Variants in TSPYL2 observed in about 807,000 individuals in gnomAD.
The protein encoded by TSPYL2 is TSPY like 2, also known as testis-specific Y-encoded-like protein 2.
A neutral mutation model predicts 33.0 loss-of-function variants in TSPYL2; 9 were observed. The ratio of observed to expected loss-of-function variants is 0.27; its 90% confidence interval spans 0.16 to 0.48. The LOEUF (loss-of-function observed/expected upper bound fraction) is 0.48. TSPYL2 is among the 20% of genes least tolerant of loss of function. TSPYL2 has a pLI of 0.99. For synonymous variants in TSPYL2, 330 were observed against 233.6 expected (o/e 1.41, Z -3.77); for missense variants, 636 against 586.2 (o/e 1.08, Z -0.88).
chrX:53,084,170 A>G (rs1262587309), intron 1 of TSPYL2, among the ~76,000 whole-genome samples: 3 of 112,011 alleles, frequency 2.7e-5, no homozygotes, highest in African/African-American at 9.7e-5. Flanking sequence ...AGCCATTCAC[A>G]CATCATGTGG....
chrX:53,084,646 A>C, intron 2 of TSPYL2, 24 bp downstream of exon 2: 3 of 1,200,335 alleles, frequency 2.5e-6, no homozygotes, highest in Non-Finnish European at 3.4e-6. Context: ...GACATTTTTT[A>C]GTAGGATCGG....
chrX:53,087,482 C>T (rs1274688098), intron 6 of TSPYL2: 2 of 277,729 alleles, frequency 7.2e-6, no homozygotes, highest in East Asian at 1.2e-4. Context: ...GGAAGAGACA[C>T]ACATTGAGGA....
At chrX:53,087,092 GAGAAGTACTC>G (rs1932778819) in intron 6 of TSPYL2, 1 of 113,320 alleles carries the variant, frequency 8.8e-6, no homozygotes, top group Admixed American at 9.2e-5. Flanking sequence ...TAAAGGTGCT[GAGAAGTACTC>G]AGATGGGAGG....
chrX:53,086,377 C>T (rs1556808742), intron 6 of TSPYL2, 67 bp downstream of exon 6: 1 of 1,072,259 alleles, frequency 9.3e-7, no homozygotes, highest in Non-Finnish European at 1.3e-6. Context: ...TGGCCAAGGA[C>T]AGGGTATCAA....
chrX:53,087,705 T>G, intron 6 of TSPYL2, 71 bp from the exon 7 acceptor site: 1 of 1,102,017 alleles, frequency 9.1e-7, no homozygotes, highest in Non-Finnish European at 1.2e-6. Context: ...CTGTTCCCTT[T>G]TAGAGTGACA....
rs782290381 is a variant in TSPYL2, at chrX:53,084,741, C to T, written c.886-14C>T. The stretch of plus-strand genomic sequence containing the variant: ...GGGGGGGACAGATTCCACCATCACC[C>T]CCACCTGGAGCAGGTACAGGATCTC... On this transcript the variant is annotated splice_polypyrimidine_tract_variant and intron_variant, in intron 2 of 6. Coordinates refer to ENST00000375442, the MANE Select transcript of TSPYL2 (RefSeq NM_022117.4). 8.3e-7 allele frequency: 1 copy of T among 1,199,618 alleles called. No individual in the cohort carries two copies. Among genetic ancestry groups the T allele is most frequent in the Admixed American group, 2.2e-5 (1 of 45,836 alleles).
rs868980048 is a variant in TSPYL2, at chrX:53,087,907, G to A, written c.2050G>A (p.Ala684Thr). 2 of 1,210,136 alleles carry A rather than the reference G, an allele frequency of 1.7e-6. No homozygotes were observed. Among genetic ancestry groups the A allele is most frequent in the African/African-American group, 3.5e-5 (2 of 57,281 alleles). Reference sequence around the variant, plus strand: ...TGTGCTTCAGGTCCCAAACGGTTGGGCCAATCCGGGGAAGAGGGGGAAAAC... The same window carrying A: ...TGTGCTTCAGGTCCCAAACGGTTGGACCAATCCGGGGAAGAGGGGGAAAAC... ...EDVLQVPNGW[A>T]NPGKRGKTG The change falls in exon 7 of 7, where the codon GCC (alanine) becomes ACC (threonine). Residue 684 changes from alanine to threonine, a missense_variant. By Grantham distance (58) the Ala-to-Thr change is moderately conservative. Transcript: ENST00000375442.
chrX:53,085,197 T>C, intron 4 of TSPYL2, 30 bp from the exon 5 acceptor site: 1 of 1,186,809 alleles, frequency 8.4e-7, no homozygotes, highest in Non-Finnish European at 1.1e-6. Flanking sequence ...TACTAATGGC[T>C]GTCTTATTCC....
rs782105353 is a variant in TSPYL2, at chrX:53,082,913, A to T, written c.415A>T (p.Ser139Cys). ...EIDFQVVQSS[S>C]FGGEGALETC... is the part of the protein sequence containing the mutation. ...CGATTTTCAGGTTGTACAGTCGAGC[A>T]GTTTTGGTGGAGAGGGGGCCCTAGA... The change falls in exon 1 of 7, where the codon AGT becomes TGT. Residue 139 changes from serine (S) to cysteine (C), a missense_variant. Ser to Cys is a moderately radical substitution (Grantham distance 112). Coordinates refer to ENST00000375442, the MANE Select transcript of TSPYL2 (RefSeq NM_022117.4). 4.1e-6 allele frequency: 5 copies of T among 1,208,330 alleles called. No individual in the cohort carries two copies. In the East Asian group the frequency reaches 1.2e-4, roughly 29 times the overall value.
chrX:53,083,386 G>GC, intron 1 of TSPYL2, 81 bp downstream of exon 1: 1 of 962,824 alleles, frequency 1.0e-6, no homozygotes, highest in South Asian at 2.1e-5. Flanking sequence ...AAAAGGTAAA[G>GC]CGGGTGGAGG....
At position 53,083,076 on chromosome X, in the gene TSPYL2, G is replaced by A. The variant is rs781875909; in HGVS notation, c.578G>A (p.Arg193Gln). 11 of 1,203,707 alleles carry A rather than the reference G, an allele frequency of 9.1e-6. No individual in the cohort carries two copies. In the Admixed American group the frequency reaches 1.1e-4, roughly 12 times the overall value. ...AGCAGCAGGAGGCGGCGGCGGCGGC[G>A]GAGGAGGAAGCAGAGGAAGGTGAAG... ...MRSSRRRRRR[R>Q]RRKQRKVKRE... The change falls in exon 1 of 7, where the codon CGG becomes CAG. Residue 193 changes from arginine to glutamine, a missense_variant. Around this residue, in one of 3 missense-constraint regions of TSPYL2, gnomAD observed 231 missense variants for 201.6 expected, o/e 1.15. Transcript: ENST00000375442.
At chrX:53,083,393 G>A in intron 1 of TSPYL2, 88 bp downstream of exon 1, 1 of 917,440 alleles carries the variant, frequency 1.1e-6, no homozygotes, top group Non-Finnish European at 1.5e-6. Context: ...AAAGCGGGTG[G>A]AGGAGAGCCA....
rs201527496 is a variant in TSPYL2, at chrX:53,082,872, G to T, written c.374G>T (p.Gly125Val). 1.9e-4 allele frequency: 224 copies of T among 1,208,158 alleles called. No homozygotes were observed. Among genetic ancestry groups the T allele is most frequent in the Middle Eastern group, 2.3e-4 (1 of 4,366 alleles). Reference sequence around the variant, plus strand: ...GCACTCCCCACTCCTGAGGCCTCGGGGGGGAGCCTGGAAATCGATTTTCAG... The same window carrying T: ...GCACTCCCCACTCCTGAGGCCTCGGTGGGGAGCCTGGAAATCGATTTTCAG... Reference protein sequence around the residue: ...LEALPTPEASGGSLEIDFQVV... With the variant: ...LEALPTPEASVGSLEIDFQVV... Residue 125 changes from glycine to valine, a missense_variant, in exon 1 of 7, where the codon GGG becomes GTG. Transcript: ENST00000375442.
chrX:53,084,398 G>A (rs1015744722), intron 1 of TSPYL2, 147 bp from the exon 2 acceptor site: 6 of 490,241 alleles, frequency 1.2e-5, no homozygotes, highest in Admixed American at 1.2e-4. Flanking sequence ...TATGGGTTAT[G>A]TCCCATGACT....
At chrX:53,084,410 A>C (rs1602103269) in intron 1 of TSPYL2, 135 bp from the exon 2 acceptor site, 1 of 535,254 alleles carries the variant, frequency 1.9e-6, no homozygotes, top group South Asian at 3.5e-5. Context: ...CCCATGACTC[A>C]CTTGCTTTAT....
chrX:53,085,189 C>T (rs782609679), intron 4 of TSPYL2, 38 bp from the exon 5 acceptor site: 5 of 1,184,774 alleles, frequency 4.2e-6, no homozygotes, highest in Non-Finnish European at 4.6e-6. Context: ...GGAGCTTGTA[C>T]TAATGGCTGT....
intron 6 of TSPYL2, chrX:53,087,516 T>C (rs782530512): frequency 2.7e-6 from 1 of 377,036 alleles, no homozygotes; most frequent in Non-Finnish European, 4.7e-6. Flanking sequence ...AAAAAGCTAC[T>C]ATCAGAGATG....
Position 53,087,849 on chromosome X carries a change from AGG to A in TSPYL2, c.1995_1996del (p.Glu666ArgfsTer6). ...EEGSEDVWEE[G>X]EDSDDSDLED... is the part of the protein sequence containing the mutation. ...AAGGAAGTGAAGATGTCTGGGAAGAAGGGGAAGATTCGGACGACTCTGACCTA... is the reference window on the plus strand; with the variant it reads ...AAGGAAGTGAAGATGTCTGGGAAGAAGGAAGATTCGGACGACTCTGACCTA... On this transcript the variant is annotated frameshift_variant, in exon 7 of 7. Coordinates refer to ENST00000375442, the MANE Select transcript of TSPYL2 (RefSeq NM_022117.4). LOFTEE classifies it high-confidence loss of function. 8.3e-7 allele frequency: 1 copy of A among 1,211,835 alleles called. No homozygotes were observed. The highest frequency in any genetic ancestry group is 1.1e-6 in the Non-Finnish European group (1 of 895,265).
intron 1 of TSPYL2, 150 bp downstream of exon 1, chrX:53,083,455 G>T (rs1932677787): frequency 1.8e-6 from 1 of 543,564 alleles, no homozygotes; most frequent in African/African-American, 2.4e-5. Flanking sequence ...GGTGGAAGAG[G>T]GATGGAAGGA....
Sources: allele counts gnomAD v4.1 joint callset (sites outside exome capture counted in the v4.1 genomes callset), GRCh38; gene constraint gnomAD v4.1.1; regional missense constraint gnomAD v4.1.1; transcripts MANE v1.5; gene names NCBI Gene and HGNC (gene_info 2026-07-23, HGNC 2026-07-21).